Variants in DMD observed in about 807,000 individuals in gnomAD.
The protein encoded by DMD is mutant dystrophin.
DMD carries 63 observed loss-of-function variants against 330.1 expected under a neutral mutation model. The observed-to-expected ratio is 0.19, with a 90% CI of 0.16 to 0.24. The LOEUF (loss-of-function observed/expected upper bound fraction) is 0.24, where lower values mean the gene tolerates loss of function less well. Among genes scored for constraint, DMD ranks in the 10% least tolerant of loss-of-function variants. DMD has a pLI of 1.00. For missense variants in DMD, 3,344 were observed against 2,684.1 expected (o/e 1.25, Z -5.43); for synonymous variants, 1,223 against 959.8 (o/e 1.27, Z -5.07).
rs756798686 is a variant in DMD, at chrX:33,076,440, G to T, written c.32-56240C>A. ...AGTATGTATGTATACCCAACATCTT[G>T]TATGTAATTTTAAGGGATGCAAGGA... On this transcript the variant is annotated intron_variant, in intron 1 of 78. Transcript: ENST00000357033. Among the ~76,000 whole-genome samples, 6 of 111,476 alleles carry T rather than the reference G, an allele frequency of 5.4e-5. No individual in the cohort carries two copies. In the South Asian group the frequency reaches 1.1e-3, roughly 21 times the overall value.
intron 56 of DMD, among the ~76,000 whole-genome samples, chrX:31,504,527 C>G (rs2147144651): frequency 8.9e-6 from 1 of 111,773 alleles, no homozygotes; most frequent in Admixed American, 9.5e-5. Context: ...ATCATTGAAA[C>G]TATTTTTTAA....
intron 41 of DMD, among the ~76,000 whole-genome samples, chrX:32,328,245 G>T (rs1603630847): frequency 9.0e-6 from 1 of 111,350 alleles, no homozygotes; most frequent in African/African-American, 3.3e-5. Flanking sequence ...ATATCATCAG[G>T]AAATGATACT....
intron 7 of DMD, among the ~76,000 whole-genome samples, chrX:32,738,477 T>TA (rs1275303039): frequency 6.3e-5 from 7 of 111,747 alleles, no homozygotes; most frequent in Admixed American, 3.8e-4. Context: ...TCCTAGCCCT[T>TA]AATAAAGCAA....
chrX:32,477,192 A>G (rs1423564071), intron 21 of DMD, among the ~76,000 whole-genome samples: 1 of 111,382 alleles, frequency 9.0e-6, no homozygotes, highest in Non-Finnish European at 1.9e-5. Context: ...ATATTCAACA[A>G]AATGAAAATC....
intron 1 of DMD, among the ~76,000 whole-genome samples, chrX:33,053,985 A>G: frequency 8.9e-6 from 1 of 111,952 alleles, no homozygotes; most frequent in Non-Finnish European, 1.9e-5. Flanking sequence ...CATAATGAGT[A>G]GCATTATCTG....
At chrX:32,077,672 A>G (rs1368796878) in intron 44 of DMD, among the ~76,000 whole-genome samples, 1 of 111,155 alleles carries the variant, frequency 9.0e-6, no homozygotes, top group East Asian at 2.8e-4. Context: ...TAATCTTTGT[A>G]TCTATTTTCC....
Position 33,037,334 on chromosome X carries a change from A to AG in DMD, c.32-17135dup, listed in dbSNP as rs749810803. ...TGCTCTATATCTGCAAACTCAAGGG[A>AG]GAAAAAGTCTCTTAACTTGAAACTA... On this transcript the variant is annotated intron_variant, in intron 1 of 78. Transcript: ENST00000357033. 3.8e-5 allele frequency among the ~76,000 whole-genome samples: 4 copies of AG among 105,342 alleles called. No homozygotes were observed. In the South Asian group the frequency reaches 1.7e-3, roughly 45 times the overall value. The allele number at this position is 105,342 out of a possible 115,157, so 91.5% of individuals were successfully genotyped here. A position where few individuals can be genotyped will look rare whatever the true frequency, so the allele number is the denominator to read the frequency against.
At chrX:32,664,703 T>C (rs1009421495) in intron 9 of DMD, among the ~76,000 whole-genome samples, 1 of 112,008 alleles carries the variant, frequency 8.9e-6, no homozygotes, top group Admixed American at 9.5e-5. Context: ...GTAAATTTAG[T>C]TTTACATAGG....
intron 37 of DMD, among the ~76,000 whole-genome samples, chrX:32,350,257 A>AT (rs1273672277): frequency 2.7e-5 from 3 of 111,042 alleles, no homozygotes; most frequent in African/African-American, 9.8e-5. Flanking sequence ...TTTTCTACGA[A>AT]TTTAACAATT....
At chrX:31,370,662 C>G (rs1444700107) in intron 60 of DMD, among the ~76,000 whole-genome samples, 1 of 112,237 alleles carries the variant, frequency 8.9e-6, no homozygotes, top group Non-Finnish European at 1.9e-5. Context: ...ACCATATGAC[C>G]TAACAATTGC....
intron 60 of DMD, among the ~76,000 whole-genome samples, chrX:31,414,520 A>C (rs948785698): frequency 1.8e-5 from 2 of 111,992 alleles, no homozygotes; most frequent in African/African-American, 6.5e-5. Flanking sequence ...CTATCCCACT[A>C]CATGTTCAAT....
At chrX:31,158,795 ATG>A (rs2038467410) in intron 74 of DMD, among the ~76,000 whole-genome samples, 1 of 112,272 alleles carries the variant, frequency 8.9e-6, no homozygotes, top group Non-Finnish European at 1.9e-5. Flanking sequence ...GGTTTAACCC[ATG>A]TACATAAAAG....
intron 44 of DMD, among the ~76,000 whole-genome samples, chrX:32,151,594 T>C (rs925782925): frequency 1.3e-4 from 15 of 111,766 alleles, no homozygotes; most frequent in African/African-American, 4.9e-4. Context: ...GGCAGCAGAA[T>C]TTAGCCACTG....
chrX:33,111,565 AAAC>A (rs757891703), intron 1 of DMD, among the ~76,000 whole-genome samples: 5 of 112,171 alleles, frequency 4.5e-5, no homozygotes, highest in African/African-American at 1.6e-4. Context: ...ATTAGAGAAT[AAAC>A]AAAACGACAA....
intron 11 of DMD, among the ~76,000 whole-genome samples, chrX:32,643,109 G>A (rs2059574106): frequency 9.0e-6 from 1 of 111,109 alleles, no homozygotes; most frequent in Admixed American, 9.6e-5. Context: ...TAGGGGTAGT[G>A]ACAATCATCA....
intron 2 of DMD, among the ~76,000 whole-genome samples, chrX:32,895,235 G>C (rs1486956259): frequency 8.9e-6 from 1 of 112,358 alleles, no homozygotes; most frequent in Non-Finnish European, 1.9e-5. Context: ...CGAATAGTCA[G>C]TCCATAACAA....
intron 50 of DMD, among the ~76,000 whole-genome samples, chrX:31,779,573 T>C (rs2090891060): frequency 8.9e-6 from 1 of 111,823 alleles, no homozygotes; most frequent in South Asian, 3.7e-4. Flanking sequence ...AGTAACAGAT[T>C]TGGGTGGGTT....
In DMD at chrX:32,601,388, T is replaced by A. The variant is rs748687326; in HGVS notation, c.1483-5512A>T. Among the ~76,000 whole-genome samples the A allele has an allele frequency of 1.9e-3, 216 of 111,793 alleles. 1 individual carries two copies. The highest frequency in any genetic ancestry group is 6.7e-3 in the African/African-American group (208 of 30,872). ...AGAACACACTGATTTTATCTTTTTG[T>A]TAGAAATGAATGTTTATGTTTCTGC... is the stretch of plus-strand genomic sequence containing the variant. On this transcript the variant is annotated intron_variant, in intron 12 of 78. Transcript: ENST00000357033.
rs180758505 is a variant in DMD, at chrX:31,714,867, C to T, written c.7660+14764G>A. On this transcript the variant is annotated intron_variant, in intron 52 of 78. Transcript: ENST00000357033. ...ACTGATGCAAAGTATTATGGACAGC[C>T]TGGTTAAGTCCTAAAATTTGTAAAA... is the stretch of plus-strand genomic sequence containing the variant. 6.3e-5 allele frequency among the ~76,000 whole-genome samples: 7 copies of T among 111,567 alleles called. No individual in the cohort carries two copies. In the East Asian group the frequency reaches 2.0e-3, roughly 31 times the overall value.
Sources: allele counts gnomAD v4.1 joint callset (sites outside exome capture counted in the v4.1 genomes callset), GRCh38; gene constraint gnomAD v4.1.1; transcripts MANE v1.5; gene names NCBI Gene and HGNC (gene_info 2026-07-23, HGNC 2026-07-21).